The following STX8 variants were observed in gnomAD, a reference collection of about 807,000 sequenced individuals.
The protein encoded by STX8 is syntaxin-8.
In STX8, 23 loss-of-function variants were observed where a neutral mutation model predicts 37.5. The ratio of observed to expected loss-of-function variants is 0.61; its 90% CI spans 0.44 to 0.87. STX8 has a LOEUF of 0.87. Among genes scored for constraint, STX8 ranks in the 40% least tolerant of loss-of-function variants. The pLI is 0.00. For synonymous variants in STX8, 115 were observed against 99.1 expected (o/e 1.16, Z -0.95); for missense variants, 313 against 284.7 (o/e 1.10, Z -0.71).
At chr17:9,566,016 C>A (rs912207350) in intron 2 of STX8, among the ~76,000 whole-genome samples, 11 of 152,294 alleles carry the variant, frequency 7.2e-5, no homozygotes, top group African/African-American at 2.6e-4. Context: ...ACAGAGTGAA[C>A]AAACAACCTA....
intron 6 of STX8, among the ~76,000 whole-genome samples, chr17:9,430,712 T>C (rs76492666): frequency 0.18 from 26,451 of 148,890 alleles, 2,878 homozygotes; most frequent in Middle Eastern, 0.27. Context: ...TGCAGTGGCG[T>C]GATCTTGGCT....
chr17:9,432,717 G>A (rs557821595), intron 6 of STX8, among the ~76,000 whole-genome samples: 4 of 152,206 alleles, frequency 2.6e-5, no homozygotes, highest in Non-Finnish European at 5.9e-5. Context: ...CCACGTGTCT[G>A]TTTCAGAGCT....
chr17:9,308,641 T>C (rs1166288503), intron 7 of STX8, among the ~76,000 whole-genome samples: 1 of 148,474 alleles, frequency 6.7e-6, no homozygotes, highest in Non-Finnish European at 1.5e-5. Flanking sequence ...GAGAATTGCT[T>C]GAACCTGGGA....
At chr17:9,265,124 A>G (rs1415470000) in intron 7 of STX8, among the ~76,000 whole-genome samples, 2 of 128,936 alleles carry the variant, frequency 1.6e-5, no homozygotes, top group Admixed American at 7.4e-5. Context: ...GTCTGAAAAG[A>G]AAAAAAAAAA....
At chr17:9,457,914 T>C (rs893136872) in intron 6 of STX8, among the ~76,000 whole-genome samples, 1 of 152,340 alleles carries the variant, frequency 6.6e-6, no homozygotes, top group South Asian at 2.1e-4. Flanking sequence ...TTCACTGTGA[T>C]TGGCATAGGA....
intron 6 of STX8, among the ~76,000 whole-genome samples, chr17:9,382,522 G>C (rs1371442901): frequency 6.6e-6 from 1 of 152,064 alleles, no homozygotes; most frequent in Non-Finnish European, 1.5e-5. Context: ...ATGTTGGTTT[G>C]CTGCACCCAT....
At chr17:9,397,361 A>C (rs865937936) in intron 6 of STX8, among the ~76,000 whole-genome samples, 11 of 152,156 alleles carry the variant, frequency 7.2e-5, no homozygotes, top group African/African-American at 2.7e-4. Context: ...GTGCCACTGC[A>C]CTCCAGCCTG....
chr17:9,500,296 C>T (rs780503702), intron 5 of STX8, among the ~76,000 whole-genome samples: 3 of 152,178 alleles, frequency 2.0e-5, no homozygotes, highest in South Asian at 2.1e-4. Context: ...GGTAAATATA[C>T]GAAACAACAG....
At position 9,355,809 on chromosome 17, in the gene STX8, C is replaced by T. The variant is rs569891400; in HGVS notation, c.643+22743G>A. ...AGGCGTGAGCCACTGCACCCGGCCA[C>T]CTAGCTAATTTTTAAAAACTTTTGT... On this transcript the variant is annotated intron_variant, in intron 7 of 7. Transcript: ENST00000306357. Among the ~76,000 whole-genome samples the T allele has an allele frequency of 2.1e-3, 323 of 152,110 alleles. 2 individuals are homozygous for T. In the Middle Eastern group the frequency reaches 0.024, roughly 11 times the overall value.
At position 9,308,829 on chromosome 17, in the gene STX8, A is replaced by G. The variant is rs1005702684; in HGVS notation, c.644-58184T>C. On this transcript the variant is annotated intron_variant, in intron 7 of 7. Transcript: ENST00000306357. Reference sequence around the variant, plus strand: ...CAGACTTTGCTTCTGAAGCCCTTCCAATGTCCTTCAGTTCAAAGTACACAG... The same window carrying G: ...CAGACTTTGCTTCTGAAGCCCTTCCGATGTCCTTCAGTTCAAAGTACACAG... 7.2e-5 allele frequency among the ~76,000 whole-genome samples: 11 copies of G among 152,040 alleles called. No individual in the cohort carries two copies. In the South Asian group the frequency reaches 2.3e-3, roughly 32 times the overall value.
At chr17:9,274,675 C>CAAA (rs1555586542) in intron 7 of STX8, among the ~76,000 whole-genome samples, 6 of 66,500 alleles carry the variant, frequency 9.0e-5, no homozygotes, top group East Asian at 4.8e-4. Flanking sequence ...GACTCTGTCT[C>CAAA]AAAAATAATA....
intron 3 of STX8, chr17:9,554,228 C>G (rs775701797): frequency 6.6e-6 from 1 of 152,356 alleles, no homozygotes; most frequent in Non-Finnish European, 1.5e-5. Flanking sequence ...CCACTGAACT[C>G]TAGCCTGGGT....
chr17:9,332,000 C>T (rs1297656653), intron 7 of STX8, among the ~76,000 whole-genome samples: 3 of 152,198 alleles, frequency 2.0e-5, no homozygotes, highest in Non-Finnish European at 1.5e-5. Flanking sequence ...GCTAACAATG[C>T]GGGCAATGAT....
chr17:9,489,690 C>CTTTTTTTT (rs1378987157), intron 6 of STX8, among the ~76,000 whole-genome samples: 1 of 38,604 alleles, frequency 2.6e-5, no homozygotes. Context: ...AGCTTACTTT[C>CTTTTTTTT]CTTTTTTTTT....
At chr17:9,559,732 T>TATATATATATATA (rs1299629786) in intron 2 of STX8, among the ~76,000 whole-genome samples, 1 of 46,542 alleles carries the variant, frequency 2.1e-5, no homozygotes, top group African/African-American at 7.0e-5. Flanking sequence ...ATTATTATTA[T>TATATATATATATA]TTTATATATA....
intron 7 of STX8, among the ~76,000 whole-genome samples, chr17:9,333,658 G>A (rs1446571061): frequency 6.6e-6 from 1 of 152,198 alleles, no homozygotes; most frequent in Non-Finnish European, 1.5e-5. Flanking sequence ...CAAAGTGCTC[G>A]GATTACAGGC....
intron 6 of STX8, among the ~76,000 whole-genome samples, chr17:9,426,648 C>T (rs1283639323): frequency 1.4e-5 from 2 of 145,676 alleles, no homozygotes; most frequent in Admixed American, 6.9e-5. Context: ...GTGGTCTTAG[C>T]TACTCAGGAG....
chr17:9,411,287 G>C (rs1912969666), intron 6 of STX8, among the ~76,000 whole-genome samples: 1 of 152,162 alleles, frequency 6.6e-6, no homozygotes, highest in South Asian at 2.1e-4. Context: ...ATTAACCCTT[G>C]AATTCAGGCC....
At chr17:9,528,769 TAGAA>T (rs1300591645) in intron 4 of STX8, among the ~76,000 whole-genome samples, 1 of 151,824 alleles carries the variant, frequency 6.6e-6, no homozygotes, top group Non-Finnish European at 1.5e-5. Flanking sequence ...TAGAAACTAT[TAGAA>T]AGAGGTATTA....
Sources: allele counts gnomAD v4.1 joint callset (sites outside exome capture counted in the v4.1 genomes callset), GRCh38; gene constraint gnomAD v4.1.1; transcripts MANE v1.5; gene names NCBI Gene and HGNC (gene_info 2026-07-23, HGNC 2026-07-21).